The following SND1 variants were observed in gnomAD, a reference collection of about 807,000 sequenced individuals.
SND1 encodes staphylococcal nuclease domain-containing protein 1.
In SND1, 38 loss-of-function variants were observed where a neutral mutation model predicts 121.7. The ratio of observed to expected loss-of-function variants is 0.31; its 90% CI spans 0.24 to 0.41. SND1 has a LOEUF of 0.41. Among genes scored for constraint, SND1 ranks in the 10% least tolerant of loss-of-function variants. The probability of loss-of-function intolerance (pLI) is 1.00; values close to 1 mark genes in which losing one functional copy is unlikely to be tolerated. For synonymous variants in SND1, 401 were observed against 447.4 expected, an observed-to-expected ratio of 0.90 and a Z score of 1.31; for missense variants, 868 against 1,184.6, an observed-to-expected ratio of 0.73 and a Z score of 3.92.
chr7:127,763,043 A>G (rs1797333639), intron 10 of SND1, among the ~76,000 whole-genome samples: 1 of 152,190 alleles, frequency 6.6e-6, no homozygotes, highest in Non-Finnish European at 1.5e-5. Flanking sequence ...CCTCTCAGAA[A>G]AGGTAGAAAC....
intron 16 of SND1, among the ~76,000 whole-genome samples, chr7:128,004,283 A>G (rs1018188688): frequency 4.6e-5 from 7 of 152,140 alleles, no homozygotes; most frequent in African/African-American, 1.2e-4. Context: ...TCTTTTGCCT[A>G]GAGAATGCTA....
At chr7:127,710,198 T>G (rs1796274523) in intron 9 of SND1, among the ~76,000 whole-genome samples, 1 of 152,200 alleles carries the variant, frequency 6.6e-6, no homozygotes, top group Non-Finnish European at 1.5e-5. Context: ...AATTGGAACA[T>G]AGCTATATGT....
intron 16 of SND1, among the ~76,000 whole-genome samples, chr7:127,993,575 G>A (rs565674995): frequency 3.3e-5 from 5 of 152,378 alleles, no homozygotes; most frequent in African/African-American, 1.2e-4. Context: ...AGCCACCGCT[G>A]GGATGGCCGC....
At chr7:127,836,584 G>A (rs1304614813) in intron 11 of SND1, among the ~76,000 whole-genome samples, 3 of 152,124 alleles carry the variant, frequency 2.0e-5, no homozygotes, top group Non-Finnish European at 4.4e-5. Context: ...AAGATGTCCT[G>A]ATGGAAGAGG....
At chr7:127,956,458 T>C (rs1354153913) in intron 15 of SND1, among the ~76,000 whole-genome samples, 1 of 152,192 alleles carries the variant, frequency 6.6e-6, no homozygotes, top group Non-Finnish European at 1.5e-5. Flanking sequence ...TTAACTCTCT[T>C]TAGCTCACTC....
chr7:127,878,258 G>C (rs1325810308), intron 12 of SND1, among the ~76,000 whole-genome samples: 1 of 152,128 alleles, frequency 6.6e-6, no homozygotes, highest in Non-Finnish European at 1.5e-5. Context: ...TCAACTCTCA[G>C]TTGTATTTAC....
intron 13 of SND1, among the ~76,000 whole-genome samples, chr7:127,891,047 T>G (rs1392595782): frequency 1.3e-5 from 2 of 152,164 alleles, no homozygotes; most frequent in Non-Finnish European, 2.9e-5. Context: ...AATTTTTATT[T>G]GGAGCAGTCT....
intron 10 of SND1, among the ~76,000 whole-genome samples, chr7:127,769,804 T>C (rs950573509): frequency 3.9e-5 from 6 of 152,220 alleles, no homozygotes; most frequent in Non-Finnish European, 5.9e-5. Context: ...GGCAACTGTA[T>C]GAACCAGAAC....
At chr7:127,700,024 A>G (rs1175711503) in intron 4 of SND1, among the ~76,000 whole-genome samples, 3 of 152,188 alleles carry the variant, frequency 2.0e-5, no homozygotes, top group African/African-American at 4.8e-5. Flanking sequence ...TTGAATTAAG[A>G]TACTTGTTTT....
chr7:127,773,009 T>G (rs1355543897), intron 10 of SND1, among the ~76,000 whole-genome samples: 1 of 152,252 alleles, frequency 6.6e-6, no homozygotes, highest in Non-Finnish European at 1.5e-5. Context: ...ATGCTAACCT[T>G]ATTTGATTGG....
intron 1 of SND1, among the ~76,000 whole-genome samples, chr7:127,678,610 C>T (rs1017909574): frequency 4.6e-5 from 7 of 152,060 alleles, no homozygotes; most frequent in Non-Finnish European, 7.4e-5. Context: ...ACAAAACAAA[C>T]AAAAAACTGG....
chr7:128,014,470 C>T (rs1311994243), intron 16 of SND1, among the ~76,000 whole-genome samples: 1 of 152,226 alleles, frequency 6.6e-6, no homozygotes, highest in African/African-American at 2.4e-5. Context: ...TCCAAGAGTC[C>T]TCACTAGAAG....
chr7:127,740,958 A>G (rs934462691), intron 10 of SND1, among the ~76,000 whole-genome samples: 1 of 152,248 alleles, frequency 6.6e-6, no homozygotes, highest in South Asian at 2.1e-4. Flanking sequence ...ATTTTTACTT[A>G]TTCCATAATA....
intron 1 of SND1, among the ~76,000 whole-genome samples, chr7:127,657,605 G>T (rs530701871): frequency 4.7e-4 from 71 of 152,184 alleles, no homozygotes; most frequent in African/African-American, 1.7e-3. Context: ...GGATCCTCCT[G>T]CCTCAGCCTC....
At chr7:128,037,311 A>G (rs10256736) in intron 16 of SND1, among the ~76,000 whole-genome samples, 2 of 152,102 alleles carry the variant, frequency 1.3e-5, no homozygotes, top group African/African-American at 2.4e-5. Context: ...CTCTGCCTCC[A>G]TGGCCACATT....
chr7:127,917,115 T>C (rs1309245229), intron 14 of SND1, among the ~76,000 whole-genome samples: 1 of 152,208 alleles, frequency 6.6e-6, no homozygotes, highest in Non-Finnish European at 1.5e-5. Context: ...CACTCTGTGG[T>C]ACATCATTTT....
Position 127,662,613 on chromosome 7 carries a change from G to A in SND1, c.78+10162G>A, listed in dbSNP as rs1276956998. Among the ~76,000 whole-genome samples the A allele has an allele frequency of 2.0e-5, 3 of 152,220 alleles. No homozygotes were observed. In the East Asian group the frequency reaches 5.8e-4, roughly 29 times the overall value. On this transcript the variant is annotated intron_variant, in intron 1 of 23. Coordinates refer to ENST00000354725, the MANE Select transcript of SND1 (RefSeq NM_014390.4). ...GCTGTTTATTTCTTACAGGTGTCATGTTAGATAAAATTTAGGGTAAAATAC... is the reference window on the plus strand; with the variant it reads ...GCTGTTTATTTCTTACAGGTGTCATATTAGATAAAATTTAGGGTAAAATAC...
chr7:127,910,776 C>T (rs925784831), intron 14 of SND1, among the ~76,000 whole-genome samples: 2 of 152,174 alleles, frequency 1.3e-5, no homozygotes, highest in African/African-American at 4.8e-5. Context: ...GTTCTCACGT[C>T]TCTCTTGCCA....
intron 11 of SND1, among the ~76,000 whole-genome samples, chr7:127,815,301 C>A (rs952371510): frequency 6.6e-6 from 1 of 151,672 alleles, no homozygotes; most frequent in African/African-American, 2.4e-5. Flanking sequence ...TATGATGGAC[C>A]CTAAATTCAT....
Sources: gnomAD v4.1 joint callset for allele counts (sites outside exome capture counted in the v4.1 genomes callset) on GRCh38, gnomAD v4.1.1 for gene constraint, MANE v1.5 for transcripts, NCBI Gene and HGNC (gene_info 2026-07-23, HGNC 2026-07-21) for gene names.